The following FAM163B variants were observed in gnomAD, a reference collection of about 807,000 sequenced individuals.
FAM163B encodes family with sequence similarity 163 member B.
In FAM163B, 4 loss-of-function variants were observed where a neutral mutation model predicts 7.6. The ratio of observed to expected loss-of-function variants is 0.52; its 90% CI spans 0.26 to 1.20. The LOEUF (loss-of-function observed/expected upper bound fraction) is 1.20. Ranked by LOEUF, FAM163B falls within the 50% of genes most tolerant of loss-of-function variation. The probability of loss-of-function intolerance (pLI) is 0.14; values close to 1 mark genes in which losing one functional copy is unlikely to be tolerated. For missense variants in FAM163B, 250 were observed against 243.0 expected, an observed-to-expected ratio of 1.03 and a Z score of -0.19; for synonymous variants, 120 against 111.6, an observed-to-expected ratio of 1.07 and a Z score of -0.47.
At chr9:133,593,738 C>A (rs1232849705) in intron 1 of FAM163B, among the ~76,000 whole-genome samples, 1 of 152,254 alleles carries the variant, frequency 6.6e-6, no homozygotes, top group Non-Finnish European at 1.5e-5. Flanking sequence ...GTGCTGGGGC[C>A]AGGGTCCCTG....
At chr9:133,590,464 GC>G (rs537599274) in intron 1 of FAM163B, among the ~76,000 whole-genome samples, 111 of 152,232 alleles carry the variant, frequency 7.3e-4, no homozygotes, top group South Asian at 1.9e-3. Context: ...TATAGGCACA[GC>G]CGGCGCAGGC....
At chr9:133,597,800 C>G (rs999411653) in intron 1 of FAM163B, among the ~76,000 whole-genome samples, 1 of 151,714 alleles carries the variant, frequency 6.6e-6, no homozygotes, top group Non-Finnish European at 1.5e-5. Flanking sequence ...TTGCTGGAGA[C>G]AATGAGAGCC....
rs2131259782 is a variant in FAM163B, at chr9:133,600,271, G to A, written c.-24+8806C>T. On this transcript the variant is annotated intron_variant, in intron 1 of 2. Transcript: ENST00000673969. The surrounding 1 kb of genome is among the most constrained non-coding windows in gnomAD (Gnocchi z 4.9). ...GTGTGAGTGTGGTCTGTGTGTGTGT[G>A]TGTGTGTGTGTGTGTGTGTGTGTGT... 6.7e-6 allele frequency among the ~76,000 whole-genome samples: 1 copy of A among 150,016 alleles called. No homozygotes were observed. Among genetic ancestry groups the A allele is most frequent in the East Asian group, 1.9e-4 (1 of 5,142 alleles).
chr9:133,594,714 C>T (rs975239827), intron 1 of FAM163B, among the ~76,000 whole-genome samples: 4 of 152,012 alleles, frequency 2.6e-5, no homozygotes, highest in Non-Finnish European at 2.9e-5. Flanking sequence ...CTGGTGATTT[C>T]GGGAGTGCAG....
chr9:133,585,187 GCGGCAC>G lies in FAM163B; in HGVS notation c.-23-4947_-23-4942del, dbSNP rs1831415865. Among the ~76,000 whole-genome samples the G allele has an allele frequency of 2.0e-5, 3 of 152,328 alleles. No individual in the cohort carries two copies. In the South Asian group the frequency reaches 6.2e-4, roughly 32 times the overall value. On this transcript the variant is annotated intron_variant, in intron 1 of 2. Coordinates refer to ENST00000673969, the MANE Select transcript of FAM163B (RefSeq NM_001080515.3). ...CGTTTACAAGCTTCAGTTGTCTCCT[GCGGCAC>G]CGGCACCGAGGAATGAATGGCGTGG...
intron 2 of FAM163B, among the ~76,000 whole-genome samples, chr9:133,579,816 G>T (rs11507483): frequency 2.6e-5 from 4 of 152,006 alleles, no homozygotes; most frequent in African/African-American, 4.8e-5. Context: ...GAGACATGGA[G>T]ACTCTGGATG....
Position 133,601,693 on chromosome 9 carries a change from C to G in FAM163B, c.-24+7384G>C, listed in dbSNP as rs961416158. On this transcript the variant is annotated intron_variant, in intron 1 of 2. Transcript: ENST00000673969. This position sits in a 1 kb window ranked among gnomAD's most constrained non-coding sequence, Gnocchi z 4.1. ...GGTTTTGAATGTTTTGAGTGAAGAC[C>G]CTGATGGGAAACCAGACGCCATCTC... Among the ~76,000 whole-genome samples, 1 of 152,194 alleles carries G rather than the reference C, an allele frequency of 6.6e-6. No homozygotes were observed. The highest frequency in any genetic ancestry group is 1.5e-5 in the Non-Finnish European group (1 of 68,036).
chr9:133,580,636 G>GT, intron 1 of FAM163B, among the ~76,000 whole-genome samples: 1 of 152,302 alleles, frequency 6.6e-6, no homozygotes, highest in East Asian at 1.9e-4. Flanking sequence ...CGAACATATG[G>GT]TTTTGTAACC....
At chr9:133,589,719 T>A (rs1831508013) in intron 1 of FAM163B, among the ~76,000 whole-genome samples, 2 of 151,872 alleles carry the variant, frequency 1.3e-5, no homozygotes, top group East Asian at 1.9e-4. Flanking sequence ...TGAGCTGGGG[T>A]CTTGCCCTCG....
intron 1 of FAM163B, among the ~76,000 whole-genome samples, chr9:133,599,781 C>T (rs549748156): frequency 1.8e-4 from 25 of 142,442 alleles, no homozygotes; most frequent in East Asian, 8.5e-4. Context: ...TTTGTCTGTG[C>T]GTGTGTGTGC....
At position 133,579,015 on chromosome 9, in the gene FAM163B, G is replaced by A. The variant is rs1831299628; in HGVS notation, c.*7C>T. The A allele has an allele frequency of 1.3e-6, 2 of 1,507,534 alleles. No homozygotes were observed. Among genetic ancestry groups the A allele is most frequent in the East Asian group, 2.4e-5 (1 of 41,270 alleles). The allele number at this position is 1,507,534 out of a possible 1,614,324, so 93.4% of individuals were successfully genotyped here. On this transcript the variant is annotated 3_prime_UTR_variant, in exon 3 of 3. Coordinates refer to ENST00000673969, the MANE Select transcript of FAM163B (RefSeq NM_001080515.3). ...TTCAAGGCCAGGATCCCGGGGGCGG[G>A]CCCAGGTCACACGTCGGTGCTGATG... is the stretch of plus-strand genomic sequence containing the variant.
chr9:133,583,960 G>C (rs935725766), intron 1 of FAM163B, among the ~76,000 whole-genome samples: 1 of 152,092 alleles, frequency 6.6e-6, no homozygotes. Flanking sequence ...AGTTCACTCC[G>C]AGCAGCTCCC....
chr9:133,606,383 CAG>C lies in FAM163B; in HGVS notation c.-24+2692_-24+2693del, dbSNP rs1482015088. On this transcript the variant is annotated intron_variant, in intron 1 of 2. Coordinates refer to ENST00000673969, the MANE Select transcript of FAM163B (RefSeq NM_001080515.3). This position sits in a 1 kb window ranked among gnomAD's most constrained non-coding sequence, Gnocchi z 4.0. ...CATCAAATCCCCTCTGGAGCAGATCCAGAAAGACTGAGACACTGCAAGAAGTA... is the reference window on the plus strand; with the variant it reads ...CATCAAATCCCCTCTGGAGCAGATCCAAAGACTGAGACACTGCAAGAAGTA... 2.6e-5 allele frequency among the ~76,000 whole-genome samples: 4 copies of C among 152,218 alleles called. No homozygotes were observed. Among genetic ancestry groups the C allele is most frequent in the Non-Finnish European group, 5.9e-5 (4 of 68,048 alleles).
intron 1 of FAM163B, among the ~76,000 whole-genome samples, chr9:133,602,519 C>T (rs1194745835): frequency 6.6e-6 from 1 of 152,130 alleles, no homozygotes; most frequent in Non-Finnish European, 1.5e-5. Context: ...AAGAGAAGGG[C>T]CAGCAGCGAA....
intron 1 of FAM163B, among the ~76,000 whole-genome samples, 80 bp downstream of exon 1, chr9:133,608,997 C>T (rs1831821529): frequency 6.6e-6 from 1 of 152,330 alleles, no homozygotes; most frequent in South Asian, 2.1e-4. Context: ...GCACTCTGGA[C>T]GAGTGGGCAC....
chr9:133,578,356 C>T lies in FAM163B; in HGVS notation c.*666G>A, dbSNP rs1831285816. ...AAAAGCTGGTCAGGGCGGAGCATCC[C>T]AAGGGCCCTGATGCCCCTGAAAGTC... is the stretch of plus-strand genomic sequence containing the variant. On this transcript the variant is annotated 3_prime_UTR_variant, in exon 3 of 3. Transcript: ENST00000673969. The T allele has an allele frequency of 1.3e-5, 2 of 152,266 alleles. No homozygotes were observed. The highest frequency in any genetic ancestry group is 2.4e-5 in the African/African-American group (1 of 41,448). The allele number at this position is 152,266 out of a possible 1,614,324, so 9.4% of individuals were successfully genotyped here.
chr9:133,588,616 A>AGGATCTAGTGTGTTGAG (rs1438161896), intron 1 of FAM163B, among the ~76,000 whole-genome samples: 100 of 104,336 alleles, frequency 9.6e-4, no homozygotes, highest in Middle Eastern at 4.9e-3. Context: ...AGGATGCTGA[A>AGGATCTAGTGTGTTGAG]GGATCTAGCA....
chr9:133,592,271 G>A (rs1171668227), intron 1 of FAM163B, among the ~76,000 whole-genome samples: 1 of 152,132 alleles, frequency 6.6e-6, no homozygotes, highest in East Asian at 1.9e-4. Context: ...TGCCCCTGTG[G>A]GATTTCTTGT....
rs898653272 is a variant in FAM163B, at chr9:133,606,320, G to A, written c.-24+2757C>T. On this transcript the variant is annotated intron_variant, in intron 1 of 2. Transcript: ENST00000673969. This position sits in a 1 kb window ranked among gnomAD's most constrained non-coding sequence, Gnocchi z 4.0. Reference sequence around the variant, plus strand: ...AAGGCCTGCGGGAGGATTCAGCAACGGAGGGAGGGAGCTGGCAAACACTGA... The same window carrying A: ...AAGGCCTGCGGGAGGATTCAGCAACAGAGGGAGGGAGCTGGCAAACACTGA... Among the ~76,000 whole-genome samples, 5 of 152,234 alleles carry A rather than the reference G, an allele frequency of 3.3e-5. No homozygotes were observed. Among genetic ancestry groups the A allele is most frequent in the Non-Finnish European group, 4.4e-5 (3 of 68,036 alleles).
Sources: gnomAD v4.1 joint callset for allele counts (sites outside exome capture counted in the v4.1 genomes callset) on GRCh38, gnomAD v4.1.1 for gene constraint, Gnocchi (gnomAD v3.1) non-coding constraint, MANE v1.5 for transcripts, NCBI Gene and HGNC (gene_info 2026-07-23, HGNC 2026-07-21) for gene names.